Variants in TSPAN12 observed in about 807,000 individuals in gnomAD.
The protein encoded by TSPAN12 is tetraspanin-12.
Under a neutral mutation model 39.2 loss-of-function variants are expected in TSPAN12, and 19 were observed. That is an observed-to-expected ratio of 0.49 (90% CI 0.34 to 0.71). The LOEUF (loss-of-function observed/expected upper bound fraction) is 0.71, where lower values mean the gene tolerates loss of function less well. Among genes scored for constraint, TSPAN12 ranks in the 30% least tolerant of loss-of-function variants. The probability of loss-of-function intolerance (pLI) is 0.01; values close to 1 mark genes in which losing one functional copy is unlikely to be tolerated. For missense variants in TSPAN12, 314 were observed against 359.9 expected, an observed-to-expected ratio of 0.87 and a Z score of 1.03; for synonymous variants, 119 against 124.8, an observed-to-expected ratio of 0.95 and a Z score of 0.31.
intron 4 of TSPAN12, among the ~76,000 whole-genome samples, chr7:120,825,383 C>T (rs1794267197): frequency 6.6e-6 from 1 of 152,098 alleles, no homozygotes; most frequent in South Asian, 2.1e-4. Flanking sequence ...AAAATTGATA[C>T]AACCTGTGAT....
At chr7:120,852,497 T>C (rs185019119) in intron 2 of TSPAN12, among the ~76,000 whole-genome samples, 3 of 152,304 alleles carry the variant, frequency 2.0e-5, no homozygotes, top group Non-Finnish European at 4.4e-5. Flanking sequence ...CCTCAGGGTG[T>C]GGCACTCAGA....
At chr7:120,831,923 CATAA>C (rs1269125746) in intron 4 of TSPAN12, among the ~76,000 whole-genome samples, 3 of 151,684 alleles carry the variant, frequency 2.0e-5, no homozygotes, top group Admixed American at 1.3e-4. Flanking sequence ...AATTGTACCC[CATAA>C]ATATATACAA....
chr7:120,856,037 C>A (rs1008864222), intron 2 of TSPAN12, among the ~76,000 whole-genome samples: 14 of 152,156 alleles, frequency 9.2e-5, no homozygotes, highest in African/African-American at 3.4e-4. Flanking sequence ...AAGTCATTAA[C>A]TCATAGGGCA....
intron 4 of TSPAN12, among the ~76,000 whole-genome samples, chr7:120,826,370 G>C (rs542146774): frequency 6.6e-6 from 1 of 152,294 alleles, no homozygotes; most frequent in East Asian, 1.9e-4. Flanking sequence ...GAGCACACTA[G>C]AGAAGTCACC....
intron 2 of TSPAN12, among the ~76,000 whole-genome samples, chr7:120,841,785 T>C (rs1794584001): frequency 6.6e-6 from 1 of 152,052 alleles, no homozygotes; most frequent in South Asian, 2.1e-4. Flanking sequence ...AGAAGTTAGG[T>C]GGGAAGTAGA....
At chr7:120,805,712 A>C (rs1793859759) in intron 7 of TSPAN12, among the ~76,000 whole-genome samples, 1 of 152,142 alleles carries the variant, frequency 6.6e-6, no homozygotes, top group African/African-American at 2.4e-5. Context: ...TGCATTGTCC[A>C]GGACAGGGGC....
chr7:120,815,518 G>A (rs1794062286), intron 5 of TSPAN12, among the ~76,000 whole-genome samples: 1 of 152,124 alleles, frequency 6.6e-6, no homozygotes. Flanking sequence ...CTCCCACCAT[G>A]TGAAGAAGGT....
intron 2 of TSPAN12, among the ~76,000 whole-genome samples, chr7:120,852,670 C>T (rs1345762938): frequency 6.6e-6 from 1 of 152,220 alleles, no homozygotes; most frequent in African/African-American, 2.4e-5. Context: ...AGCAGGTGGA[C>T]AGCTAATCCC....
chr7:120,825,244 A>T (rs1794263240), intron 4 of TSPAN12, among the ~76,000 whole-genome samples: 1 of 152,196 alleles, frequency 6.6e-6, no homozygotes, highest in Admixed American at 6.6e-5. Context: ...AAAAGTAAAA[A>T]GTATAAACAA....
At position 120,833,131 on chromosome 7, in the gene TSPAN12, CAA is replaced by C. The variant is rs538699682; in HGVS notation, c.285+5644_285+5645del. Among the ~76,000 whole-genome samples, 6 of 151,948 alleles carry C rather than the reference CAA, an allele frequency of 3.9e-5. No individual in the cohort carries two copies. The South Asian group carries it at 1.2e-3, about 32-fold the overall frequency. On this transcript the variant is annotated intron_variant, in intron 4 of 7. Coordinates refer to ENST00000222747, the MANE Select transcript of TSPAN12 (RefSeq NM_012338.4). Reference sequence around the variant, plus strand: ...TTGCTGTGAGTATATTTTGAGAAAACAAAGGTAAAATATTGGGCAGATACTGA... The same window carrying C: ...TTGCTGTGAGTATATTTTGAGAAAACAGGTAAAATATTGGGCAGATACTGA...
intron 7 of TSPAN12, among the ~76,000 whole-genome samples, chr7:120,799,484 A>C (rs1202632504): frequency 8.9e-6 from 1 of 112,242 alleles, no homozygotes; most frequent in African/African-American, 3.5e-5. Context: ...TTTTATAATT[A>C]TATATAATTA....
intron 7 of TSPAN12, among the ~76,000 whole-genome samples, chr7:120,792,190 A>T (rs1793540101): frequency 6.6e-6 from 1 of 152,194 alleles, no homozygotes; most frequent in Non-Finnish European, 1.5e-5. Flanking sequence ...CTGGCAGCCT[A>T]GCCGCCACCA....
intron 7 of TSPAN12, among the ~76,000 whole-genome samples, chr7:120,794,490 C>A (rs1454619116): frequency 6.6e-6 from 1 of 152,188 alleles, no homozygotes; most frequent in African/African-American, 2.4e-5. Flanking sequence ...CCATCTCTCT[C>A]TCCGGTTCCT....
rs993915239 is a variant in TSPAN12 at position 120,810,522 on chromosome 7, T to C, written c.409A>G (p.Asn137Asp). 5.6e-6 allele frequency: 9 copies of C among 1,613,724 alleles called. No individual in the cohort carries two copies. Among genetic ancestry groups the C allele is most frequent in the Admixed American group, 1.7e-5 (1 of 59,964 alleles). Residue 137 changes from asparagine to aspartate, a missense_variant, in exon 6 of 8, where the codon AAT (asparagine) becomes GAT (aspartate). Transcript: ENST00000222747. Reference protein sequence around the residue: ...DMVTLKARMTNYGLPRYRWLT... With the variant: ...DMVTLKARMTDYGLPRYRWLT... The stretch of plus-strand genomic sequence containing the variant: ...CACCGATATCTAGGTAATCCATAAT[T>C]TGTCATCCTGGCTTTCAAAGTGACC...
At chr7:120,853,471 G>GATAGAT (rs1417138657) in intron 2 of TSPAN12, among the ~76,000 whole-genome samples, 1,470 of 138,130 alleles carry the variant, frequency 0.011, 33 homozygotes, top group African/African-American at 0.036. Context: ...AAGAAATGCA[G>GATAGAT]ATATATATAT....
chr7:120,843,274 T>C (rs1170943588), intron 2 of TSPAN12, among the ~76,000 whole-genome samples: 1 of 152,240 alleles, frequency 6.6e-6, no homozygotes, highest in East Asian at 1.9e-4. Context: ...TAACATCTGT[T>C]CTGCATATAT....
At chr7:120,838,332 G>C (rs1391154708) in intron 4 of TSPAN12, among the ~76,000 whole-genome samples, 2 of 152,196 alleles carry the variant, frequency 1.3e-5, no homozygotes, top group Non-Finnish European at 2.9e-5. Context: ...ACTCGCTTAT[G>C]TTCTCTAAAC....
intron 7 of TSPAN12, among the ~76,000 whole-genome samples, chr7:120,799,517 TAA>T (rs1327705156): frequency 4.9e-5 from 6 of 121,336 alleles, no homozygotes; most frequent in African/African-American, 1.0e-4. Flanking sequence ...TAATTATATA[TAA>T]TTAATTATAT....
intron 2 of TSPAN12, among the ~76,000 whole-genome samples, chr7:120,850,985 C>T (rs578120325): frequency 6.6e-4 from 101 of 152,188 alleles, no homozygotes; most frequent in African/African-American, 1.6e-3. Flanking sequence ...ACACCGCGTC[C>T]GGCTGACTAA....
Sources: gnomAD v4.1 joint callset for allele counts (sites outside exome capture counted in the v4.1 genomes callset) on GRCh38, gnomAD v4.1.1 for gene constraint, MANE v1.5 for transcripts, NCBI Gene and HGNC (gene_info 2026-07-23, HGNC 2026-07-21) for gene names.